ELOVL5: variants seen among roughly 807,000 people sequenced by gnomAD.
ELOVL5 encodes ELOVL fatty acid elongase 5, also known as very long chain fatty acid elongase 5.
ELOVL5 carries 8 observed loss-of-function variants against 38.6 expected under a neutral mutation model. The ratio of observed to expected loss-of-function variants is 0.21; its 90% CI spans 0.12 to 0.37. The LOEUF (loss-of-function observed/expected upper bound fraction) is 0.37, where lower values mean the gene tolerates loss of function less well. ELOVL5 is among the 10% of genes least tolerant of loss of function. The probability of loss-of-function intolerance (pLI) is 1.00; values close to 1 mark genes in which losing one functional copy is unlikely to be tolerated. For missense variants in ELOVL5, 280 were observed against 367.8 expected, an observed-to-expected ratio of 0.76 and a Z score of 1.95; for synonymous variants, 127 against 133.7, an observed-to-expected ratio of 0.95 and a Z score of 0.34.
chr6:53,346,663 ACT>A (rs1275081094), intron 1 of ELOVL5, among the ~76,000 whole-genome samples: 1 of 151,864 alleles, frequency 6.6e-6, no homozygotes, highest in African/African-American at 2.4e-5. Flanking sequence ...AAGAGGTAAA[ACT>A]CTCTCTTCAC....
chr6:53,305,304 A>C (rs1767457270), intron 1 of ELOVL5, among the ~76,000 whole-genome samples: 1 of 125,588 alleles, frequency 8.0e-6, no homozygotes, highest in Non-Finnish European at 1.6e-5. Context: ...CACCTCCCGG[A>C]CAGGGCGGCT....
chr6:53,296,611 G>A (rs923235938), intron 1 of ELOVL5, among the ~76,000 whole-genome samples: 9 of 152,068 alleles, frequency 5.9e-5, no homozygotes, highest in Admixed American at 4.6e-4. Flanking sequence ...ATAGAAGTGT[G>A]TATATATTAC....
chr6:53,320,567 C>T (rs562332463), intron 1 of ELOVL5, among the ~76,000 whole-genome samples: 55 of 152,080 alleles, frequency 3.6e-4, no homozygotes, highest in African/African-American at 1.3e-3. Flanking sequence ...TCGTGATCCA[C>T]CCACCTCGGC....
Position 53,326,805 on chromosome 6 carries a change from C to T in ELOVL5, c.-9+22012G>A, listed in dbSNP as rs147358096. Among the ~76,000 whole-genome samples the T allele has an allele frequency of 3.6e-3, 547 of 152,308 alleles. 1 individual carries two copies. Among genetic ancestry groups the T allele is most frequent in the Middle Eastern group, 6.8e-3 (2 of 294 alleles). ...AGTACGGTGACTCAGCCATACCGGC[C>T]TTCACGAGAAAGCAGAAAAAAACCC... On this transcript the variant is annotated intron_variant, in intron 1 of 7. Coordinates refer to ENST00000304434, the MANE Select transcript of ELOVL5 (RefSeq NM_021814.5).
chr6:53,281,161 T>G (rs967977181), intron 3 of ELOVL5, among the ~76,000 whole-genome samples: 1 of 152,138 alleles, frequency 6.6e-6, no homozygotes, highest in Admixed American at 6.5e-5. Context: ...ACTGGCTGCT[T>G]CTGGTGATAA....
At chr6:53,273,455 T>C in intron 5 of ELOVL5, 111 bp from the exon 6 acceptor site, 1 of 1,004,032 alleles carries the variant, frequency 1.0e-6, no homozygotes. Context: ...GAGAGATGAC[T>C]TCCAACGGAG....
chr6:53,330,305 A>G (rs1317369432), intron 1 of ELOVL5, among the ~76,000 whole-genome samples: 2 of 152,170 alleles, frequency 1.3e-5, no homozygotes, highest in Non-Finnish European at 2.9e-5. Flanking sequence ...ACACCTGTAC[A>G]GGGCACTTAC....
chr6:53,300,268 T>C (rs1767197694), intron 1 of ELOVL5, among the ~76,000 whole-genome samples: 1 of 152,180 alleles, frequency 6.6e-6, no homozygotes, highest in African/African-American at 2.4e-5. Context: ...AACCTCATGT[T>C]TGTCAAGGCA....
intron 1 of ELOVL5, among the ~76,000 whole-genome samples, chr6:53,343,000 A>T (rs1251144374): frequency 6.6e-6 from 1 of 152,202 alleles, no homozygotes; most frequent in East Asian, 1.9e-4. Context: ...CGCCAGTGGG[A>T]ACCAAAAAGG....
At chr6:53,334,186 A>G (rs1768939763) in intron 1 of ELOVL5, among the ~76,000 whole-genome samples, 1 of 152,176 alleles carries the variant, frequency 6.6e-6, no homozygotes, top group African/African-American at 2.4e-5. Flanking sequence ...AACACGTTGT[A>G]GCAAGCAGAA....
At chr6:53,338,987 C>A (rs188688899) in intron 1 of ELOVL5, among the ~76,000 whole-genome samples, 128 of 152,282 alleles carry the variant, frequency 8.4e-4, no homozygotes, top group Admixed American at 2.7e-3. Context: ...TTAATTCAAG[C>A]CTGTGTAACA....
intron 1 of ELOVL5, among the ~76,000 whole-genome samples, chr6:53,319,295 A>G (rs1334453638): frequency 5.1e-4 from 19 of 37,598 alleles, no homozygotes; most frequent in Non-Finnish European, 8.2e-4. Flanking sequence ...AAAAAAAAAA[A>G]AAAAAAAAAA....
At chr6:53,326,845 C>T (rs1481545859) in intron 1 of ELOVL5, among the ~76,000 whole-genome samples, 1 of 152,164 alleles carries the variant, frequency 6.6e-6, no homozygotes, top group Non-Finnish European at 1.5e-5. Context: ...TCTGCTTTCC[C>T]TCACCATGCT....
chr6:53,290,327 T>C (rs929305770), intron 3 of ELOVL5: 52 of 152,220 alleles, frequency 3.4e-4, no homozygotes, highest in African/African-American at 1.3e-3. Context: ...AATAATAAAC[T>C]CTGTAAGAGT....
chr6:53,333,903 A>G (rs1406140587), intron 1 of ELOVL5, among the ~76,000 whole-genome samples: 1 of 152,108 alleles, frequency 6.6e-6, no homozygotes, highest in East Asian at 1.9e-4. Context: ...CATTAGGTAG[A>G]AGGACAGTGA....
At chr6:53,305,648 C>T (rs9474482) in intron 1 of ELOVL5, among the ~76,000 whole-genome samples, 53,049 of 148,432 alleles carry the variant, frequency 0.36, 10,468 homozygotes, top group African/African-American at 0.54. Context: ...GATGGGATGG[C>T]GGCCGGGAAG....
chr6:53,298,631 A>G (rs560603778), intron 1 of ELOVL5, among the ~76,000 whole-genome samples: 107 of 152,258 alleles, frequency 7.0e-4, no homozygotes, highest in African/African-American at 1.8e-3. Context: ...GAAGCCCCCA[A>G]TAGATGTTTC....
chr6:53,343,476 G>A (rs1348408300), intron 1 of ELOVL5, among the ~76,000 whole-genome samples: 4 of 152,178 alleles, frequency 2.6e-5, no homozygotes, highest in African/African-American at 9.7e-5. Context: ...GCTTCCCAAA[G>A]TGCTGGGATT....
At chr6:53,287,892 AG>A (rs1766633274) in intron 3 of ELOVL5, 47 of 1,535,620 alleles carry the variant, frequency 3.1e-5, no homozygotes, top group Non-Finnish European at 4.0e-5. Context: ...GCTGAGTCGA[AG>A]GATCAGTTCG....
Sources: gnomAD v4.1 joint callset for allele counts (sites outside exome capture counted in the v4.1 genomes callset) on GRCh38, gnomAD v4.1.1 for gene constraint, MANE v1.5 for transcripts, NCBI Gene and HGNC (gene_info 2026-07-23, HGNC 2026-07-21) for gene names.